The following GSE1 variants were observed in gnomAD, a reference collection of about 807,000 sequenced individuals.
GSE1 encodes the protein Gse1 coiled-coil protein.
In GSE1, 32 loss-of-function variants were observed where a neutral mutation model predicts 112.6. The observed-to-expected ratio is 0.28, with a 90% confidence interval of 0.21 to 0.38. The LOEUF is 0.38. Ranked by LOEUF, GSE1 falls within the 10% of genes least tolerant of loss-of-function variation. The probability of loss-of-function intolerance (pLI) is 1.00; values close to 1 mark genes in which losing one functional copy is unlikely to be tolerated. For synonymous variants in GSE1, 1,115 were observed against 735.6 expected, an observed-to-expected ratio of 1.52 and a Z score of -8.35; for missense variants, 2,348 against 1,699.2, an observed-to-expected ratio of 1.38 and a Z score of -6.71.
At chr16:85,562,756 C>G (rs755975964) in intron 1 of GSE1, among the ~76,000 whole-genome samples, 18 of 152,204 alleles carry the variant, frequency 1.2e-4, no homozygotes, top group Non-Finnish European at 2.4e-4. Flanking sequence ...TTCCCTCTCA[C>G]CAATGTCAAG....
chr16:85,194,654 G>C (rs750906050), intron 1 of GSE1, among the ~76,000 whole-genome samples: 10 of 152,160 alleles, frequency 6.6e-5, no homozygotes, highest in Non-Finnish European at 1.5e-4. Context: ...GAAACAGTTA[G>C]ATTAAAGACA....
chr16:85,512,024 G>C (rs1024841662), intron 2 of GSE1, among the ~76,000 whole-genome samples: 1 of 152,212 alleles, frequency 6.6e-6, no homozygotes, highest in Non-Finnish European at 1.5e-5. Flanking sequence ...AGGAGTGGAG[G>C]GAGGTGCATC....
intron 1 of GSE1, among the ~76,000 whole-genome samples, chr16:85,181,489 C>G (rs1198902474): frequency 6.6e-6 from 1 of 152,228 alleles, no homozygotes; most frequent in South Asian, 2.1e-4. Flanking sequence ...CTGGCTTCCA[C>G]ACGGCCCTGC....
At chr16:85,323,345 C>G (rs2046156016) in intron 1 of GSE1, among the ~76,000 whole-genome samples, 1 of 152,144 alleles carries the variant, frequency 6.6e-6, no homozygotes, top group South Asian at 2.1e-4. Context: ...TAGTGGCCCA[C>G]TTGGACTGCC....
intron 2 of GSE1, among the ~76,000 whole-genome samples, chr16:85,492,807 G>A (rs926800899): frequency 6.6e-6 from 1 of 152,168 alleles, no homozygotes; most frequent in Admixed American, 6.5e-5. Flanking sequence ...TGCCTGGAGT[G>A]GTGCTGGGCT....
intron 2 of GSE1, among the ~76,000 whole-genome samples, chr16:85,643,368 A>G (rs1300546421): frequency 6.6e-6 from 1 of 152,142 alleles, no homozygotes; most frequent in Non-Finnish European, 1.5e-5. Flanking sequence ...GGGGGCATCG[A>G]TCGAGGCTGA....
At chr16:85,402,965 T>TTATC (rs1005535529) in intron 2 of GSE1, among the ~76,000 whole-genome samples, 2 of 151,874 alleles carry the variant, frequency 1.3e-5, no homozygotes, top group Non-Finnish European at 1.5e-5. Flanking sequence ...ACGCCATTTA[T>TTATC]TATCCCACAG....
intron 2 of GSE1, among the ~76,000 whole-genome samples, chr16:85,485,408 C>G (rs1936018751): frequency 6.7e-6 from 1 of 149,360 alleles, no homozygotes; most frequent in African/African-American, 2.6e-5. Flanking sequence ...TCCTCCTCCT[C>G]TTCCTCCCCT....
chr16:85,501,230 C>T (rs1174148850), intron 2 of GSE1, among the ~76,000 whole-genome samples: 3 of 151,868 alleles, frequency 2.0e-5, no homozygotes, highest in Non-Finnish European at 4.4e-5. Flanking sequence ...TCTCAATCTC[C>T]TGACCTCGTG....
chr16:85,382,457 G>T (rs142456805), intron 2 of GSE1, among the ~76,000 whole-genome samples: 1 of 152,304 alleles, frequency 6.6e-6, no homozygotes, highest in Non-Finnish European at 1.5e-5. Flanking sequence ...TGCAGAATTG[G>T]GTAAAATCGC....
chr16:85,467,590 C>A (rs987169235), intron 2 of GSE1, among the ~76,000 whole-genome samples: 2 of 152,178 alleles, frequency 1.3e-5, no homozygotes, highest in Non-Finnish European at 2.9e-5. Flanking sequence ...ATCCCCCCAT[C>A]TCTCAACCTG....
chr16:85,510,041 G>C (rs1413901408), intron 2 of GSE1, among the ~76,000 whole-genome samples: 1 of 152,212 alleles, frequency 6.6e-6, no homozygotes, highest in Non-Finnish European at 1.5e-5. Flanking sequence ...GGCTTTATTA[G>C]GCCAAGCCGC....
intron 1 of GSE1, among the ~76,000 whole-genome samples, chr16:85,338,280 A>T (rs2046548187): frequency 6.6e-6 from 1 of 152,220 alleles, no homozygotes. Context: ...CTCTGGGTGC[A>T]TTCAGCTGGT....
In GSE1 at chr16:85,633,902, T is replaced by C. The variant is rs1478626175; in HGVS notation, c.8-12T>C. On this transcript the variant is annotated splice_polypyrimidine_tract_variant and intron_variant, in intron 1 of 15. Transcript: ENST00000253458. Reference sequence around the variant, plus strand: ...CTCTGGGTGACCTCTGGTTCTTCTTTTCCTGTTTCAGGCATGAGCCATGAG... The same window carrying C: ...CTCTGGGTGACCTCTGGTTCTTCTTCTCCTGTTTCAGGCATGAGCCATGAG... The C allele has an allele frequency of 1.9e-6, 3 of 1,603,800 alleles. No homozygotes were observed. The highest frequency in any genetic ancestry group is 1.7e-4 in the Middle Eastern group (1 of 6,032).
intron 1 of GSE1, among the ~76,000 whole-genome samples, chr16:85,326,209 GA>G (rs1470729466): frequency 6.6e-6 from 1 of 152,210 alleles, no homozygotes; most frequent in Non-Finnish European, 1.5e-5. Flanking sequence ...AACCACCTGG[GA>G]GGGGCGGTTA....
intron 1 of GSE1, among the ~76,000 whole-genome samples, chr16:85,331,374 T>TATATATATGC (rs2046344338): frequency 1.0e-5 from 1 of 98,940 alleles, no homozygotes; most frequent in African/African-American, 2.9e-5. Flanking sequence ...TGTATATATG[T>TATATATATGC]ATATATATGT....
chr16:85,587,015 C>T (rs1029826777), intron 1 of GSE1, among the ~76,000 whole-genome samples: 10 of 152,182 alleles, frequency 6.6e-5, no homozygotes, highest in Non-Finnish European at 1.3e-4. Flanking sequence ...TTGCTAGGCT[C>T]GCATCACCCC....
chr16:85,430,567 C>G (rs1295967824), intron 2 of GSE1, among the ~76,000 whole-genome samples: 2 of 152,188 alleles, frequency 1.3e-5, no homozygotes, highest in Non-Finnish European at 2.9e-5. Flanking sequence ...GAGGGGTGAG[C>G]ATGGAGCCAC....
chr16:85,552,918 C>T (rs2044996548), upstream of GSE1, among the ~76,000 whole-genome samples: 1 of 152,214 alleles, frequency 6.6e-6, no homozygotes, highest in Admixed American at 6.5e-5. Context: ...ATGGCTCCTG[C>T]CATTAGCATA....
Sources: gnomAD v4.1 joint callset for allele counts (sites outside exome capture counted in the v4.1 genomes callset) on GRCh38, gnomAD v4.1.1 for gene constraint, MANE v1.5 for transcripts, NCBI Gene and HGNC (gene_info 2026-07-23, HGNC 2026-07-21) for gene names.